The following MROH1 variants were observed in gnomAD, a reference collection of about 807,000 sequenced individuals.
MROH1 encodes the protein maestro heat like repeat family member 1.
In MROH1, 117 loss-of-function variants were observed where a neutral mutation model predicts 116.5. That is an observed-to-expected ratio of 1.00 (90% CI 0.86 to 1.17). The LOEUF (loss-of-function observed/expected upper bound fraction) is 1.17. Among genes scored for constraint, MROH1 ranks in the 50% most tolerant of loss-of-function variants. MROH1 has a pLI of 0.00. For missense variants in MROH1, 1,873 were observed against 1,338.5 expected, an observed-to-expected ratio of 1.40 and a Z score of -6.23; for synonymous variants, 921 against 583.9, an observed-to-expected ratio of 1.58 and a Z score of -8.32.
intron 14 of MROH1, among the ~76,000 whole-genome samples, chr8:144,231,910 A>T (rs1838964094): frequency 6.6e-6 from 1 of 152,250 alleles, no homozygotes; most frequent in Non-Finnish European, 1.5e-5. Context: ...TTGACACATG[A>T]TAGATGTACA....
intron 22 of MROH1, among the ~76,000 whole-genome samples, chr8:144,241,887 T>C (rs1420033441): frequency 6.6e-6 from 1 of 152,218 alleles, no homozygotes; most frequent in African/African-American, 2.4e-5. Context: ...GGGCCCCTGC[T>C]GCAGGCCCCC....
Position 144,215,696 on chromosome 8 carries a change from C to G in MROH1, c.1142-4904C>G, listed in dbSNP as rs188510673. Among the ~76,000 whole-genome samples, 309 of 151,446 alleles carry G rather than the reference C, an allele frequency of 2.0e-3. 1 individual carries two copies. Among genetic ancestry groups the G allele is most frequent in the African/African-American group, 7.2e-3 (296 of 41,268 alleles). ...ACCATCCTGGCTAACACGGTGAAACCCCATCTCTACTAAAAATACAATGAA... is the reference window on the plus strand; with the variant it reads ...ACCATCCTGGCTAACACGGTGAAACGCCATCTCTACTAAAAATACAATGAA... On this transcript the variant is annotated intron_variant, in intron 12 of 43. Coordinates refer to ENST00000326134, the MANE Select transcript of MROH1 (RefSeq NM_032450.3).
At chr8:144,250,907 A>G in intron 33 of MROH1, 1 of 205,894 alleles carries the variant, frequency 4.9e-6, no homozygotes, top group South Asian at 7.9e-5. Flanking sequence ...CGTGTCTACC[A>G]CCCACCAGCC....
chr8:144,202,514 C>T (rs1831463509), intron 12 of MROH1, among the ~76,000 whole-genome samples: 1 of 127,256 alleles, frequency 7.9e-6, no homozygotes, highest in South Asian at 2.7e-4. Flanking sequence ...AGAACGGGCT[C>T]TCTGTGGAGG....
intron 12 of MROH1, among the ~76,000 whole-genome samples, chr8:144,212,142 G>A (rs959247257): frequency 4.6e-5 from 7 of 151,872 alleles, no homozygotes; most frequent in Non-Finnish European, 7.4e-5. Flanking sequence ...GGAGTGTAGC[G>A]GCTCAAACAC....
At position 144,201,661 on chromosome 8, in the gene MROH1, A is replaced by G. The variant is rs139004645; in HGVS notation, c.1141+1120A>G. Among the ~76,000 whole-genome samples the G allele has an allele frequency of 2.0e-3, 302 of 152,294 alleles. 1 individual carries two copies. The highest frequency in any genetic ancestry group is 6.8e-3 in the African/African-American group (281 of 41,556). On this transcript the variant is annotated intron_variant, in intron 12 of 43. Transcript: ENST00000326134. ...CACTACCAGTCAGCTGCTGGGTTGC[A>G]AAGAGCAGCCACCCAGAGAGTCACA...
At chr8:144,224,648 G>A (rs1235421291) in intron 14 of MROH1, among the ~76,000 whole-genome samples, 2 of 152,204 alleles carry the variant, frequency 1.3e-5, no homozygotes, top group Non-Finnish European at 2.9e-5. Flanking sequence ...GTGGGGTTCA[G>A]TGTATCGACC....
At chr8:144,241,135 G>T in intron 21 of MROH1, 24 bp downstream of exon 21, 1 of 736,246 alleles carries the variant, frequency 1.4e-6, no homozygotes, top group South Asian at 1.5e-5. Flanking sequence ...CCCTGCAGAA[G>T]CCCCAGACAC....
Position 144,261,478 on chromosome 8 carries a change from T to C in MROH1, c.4840+129T>C, listed in dbSNP as rs543062638. The C allele has an allele frequency of 1.2e-5, 8 of 694,910 alleles. No individual in the cohort carries two copies. In the African/African-American group the frequency reaches 1.2e-4, roughly 11 times the overall value. The allele number at this position is 694,910 out of a possible 1,614,324, so 43.0% of individuals were successfully genotyped here. A position where few individuals can be genotyped will look rare whatever the true frequency, so the allele number is the denominator to read the frequency against. ...CTGGTGACCTCATCGTCTCTAGTAATTCACGGAAACTTCTTAACTGTTCCA... is the reference window on the plus strand; with the variant it reads ...CTGGTGACCTCATCGTCTCTAGTAACTCACGGAAACTTCTTAACTGTTCCA... On this transcript the variant is annotated intron_variant, in intron 43 of 43. Transcript: ENST00000326134.
In MROH1 at chr8:144,261,144, C is replaced by T. The variant is rs1278271487; in HGVS notation, c.4702C>T (p.Leu1568Phe). Residue 1568 changes from leucine to phenylalanine, a missense_variant, in exon 42 of 44, where the codon CTC becomes TTC. Transcript: ENST00000326134. ...MHHFPDLLGR[L>F]LTTCLFYFKS... is the part of the protein sequence containing the mutation. ...CCATTTCCCAGACCTGCTGGGCCGT[C>T]TCCTGACCACCTGCCTGTTCTACTT... 1.8e-5 allele frequency: 14 copies of T among 773,160 alleles called. No individual in the cohort carries two copies. Among genetic ancestry groups the T allele is most frequent in the Non-Finnish European group, 2.6e-5 (11 of 417,678 alleles). 47.9% of individuals were successfully genotyped at this position (773,160 alleles called of 1,614,324 possible). A position where few individuals can be genotyped will look rare whatever the true frequency, so the allele number is the denominator to read the frequency against.
chr8:144,210,439 C>A (rs950303499), intron 12 of MROH1, among the ~76,000 whole-genome samples: 2 of 152,072 alleles, frequency 1.3e-5, no homozygotes, highest in African/African-American at 4.8e-5. Context: ...CACCTGTAAT[C>A]CCAGCACTTT....
At chr8:144,149,324 A>C (rs1173601974) in intron 1 of MROH1, among the ~76,000 whole-genome samples, 5 of 152,002 alleles carry the variant, frequency 3.3e-5, no homozygotes, top group African/African-American at 1.2e-4. Flanking sequence ...GTCAGAGTGG[A>C]ATGACCTGAG....
chr8:144,240,044 C>T, intron 18 of MROH1, 57 bp from the exon 19 acceptor site: 2 of 748,438 alleles, frequency 2.7e-6, no homozygotes, highest in Non-Finnish European at 5.0e-6. Flanking sequence ...AGGTGCTGGG[C>T]TCTGAGCCCC....
chr8:144,191,996 G>C, intron 9 of MROH1, 141 bp downstream of exon 9: 3 of 1,008,810 alleles, frequency 3.0e-6, no homozygotes, highest in Non-Finnish European at 4.3e-6. Flanking sequence ...GTGGTGGGCT[G>C]TGAAGGACAG....
At chr8:144,212,702 G>C (rs1214592967) in intron 12 of MROH1, among the ~76,000 whole-genome samples, 1 of 141,714 alleles carries the variant, frequency 7.1e-6, no homozygotes, top group East Asian at 2.2e-4. Flanking sequence ...CGATTCTCAT[G>C]CCCCAGCCTC....
chr8:144,255,387 C>G (rs895747746), intron 34 of MROH1, 122 bp from the exon 35 acceptor site: 18 of 678,114 alleles, frequency 2.7e-5, no homozygotes, highest in Non-Finnish European at 3.8e-5. Flanking sequence ...TGCGCTGCAG[C>G]TGGGATCTGA....
At chr8:144,166,958 T>C (rs1296643070) in intron 3 of MROH1, among the ~76,000 whole-genome samples, 2 of 152,212 alleles carry the variant, frequency 1.3e-5, no homozygotes, top group Non-Finnish European at 2.9e-5. Flanking sequence ...TTTGTCTAAC[T>C]ACTGGACTTT....
chr8:144,196,840 T>C (rs1830009408), intron 10 of MROH1, among the ~76,000 whole-genome samples: 2 of 126,270 alleles, frequency 1.6e-5, no homozygotes, highest in South Asian at 6.2e-4. Context: ...CTCATGCCTG[T>C]AATCCCAGCA....
At chr8:144,246,218 C>G (rs1361858335) in intron 29 of MROH1, among the ~76,000 whole-genome samples, 7 of 151,908 alleles carry the variant, frequency 4.6e-5, no homozygotes, top group African/African-American at 1.4e-4. Context: ...AAGCGATTCT[C>G]CTGCCCCAGC....
Sources: gnomAD v4.1 joint callset for allele counts (sites outside exome capture counted in the v4.1 genomes callset) on GRCh38, gnomAD v4.1.1 for gene constraint, MANE v1.5 for transcripts, NCBI Gene and HGNC (gene_info 2026-07-23, HGNC 2026-07-21) for gene names.